Variants in CSE1L observed in about 807,000 individuals in gnomAD.
The protein encoded by CSE1L is exportin-2.
CSE1L carries 24 observed loss-of-function variants against 120.4 expected under a neutral mutation model. The observed-to-expected ratio is 0.20, with a 90% CI of 0.14 to 0.28. CSE1L has a LOEUF of 0.28. Ranked by LOEUF, CSE1L falls within the 10% of genes least tolerant of loss-of-function variation. The pLI is 1.00. For synonymous variants in CSE1L, 402 were observed against 398.3 expected, an observed-to-expected ratio of 1.01 and a Z score of -0.11; for missense variants, 830 against 1,145.2, an observed-to-expected ratio of 0.72 and a Z score of 3.97.
At chr20:49,080,562 C>T (rs751644535) in intron 14 of CSE1L, among the ~76,000 whole-genome samples, 4 of 152,128 alleles carry the variant, frequency 2.6e-5, no homozygotes, top group Non-Finnish European at 5.9e-5. Context: ...CCGCAACATG[C>T]GTCTCCCGAG....
At chr20:49,090,560 GA>G (rs947897855) in intron 19 of CSE1L, among the ~76,000 whole-genome samples, 181 bp from the exon 20 acceptor site, 8 of 148,740 alleles carry the variant, frequency 5.4e-5, no homozygotes, top group Non-Finnish European at 7.5e-5. Context: ...CCGTCTCAAA[GA>G]AAAAAAAAAT....
At chr20:49,050,161 A>G (rs1419711718) in intron 1 of CSE1L, among the ~76,000 whole-genome samples, 2 of 151,676 alleles carry the variant, frequency 1.3e-5, no homozygotes, top group Non-Finnish European at 2.9e-5. Context: ...CAACTTAATC[A>G]TTTTAGGTTT....
chr20:49,077,250 C>T (rs1457633645), intron 13 of CSE1L, among the ~76,000 whole-genome samples, 186 bp downstream of exon 13: 1 of 150,218 alleles, frequency 6.7e-6, no homozygotes, highest in Non-Finnish European at 1.5e-5. Flanking sequence ...ACTCCTGCCT[C>T]CTGGGTTCAA....
chr20:49,075,517 G>A lies in CSE1L; in HGVS notation c.1332G>A (p.Gln444=), dbSNP rs2091962914. Residue 444 remains glutamine, a synonymous_variant, in exon 12 of 25, where the codon CAG becomes CAA. Transcript: ENST00000262982. The part of the protein sequence containing the change: ...VTSLASKAQT[Q]KHGITQANEL... Reference sequence around the variant, plus strand: ...CTTTGGCATCAAAAGCCCAAACACAGAAGGTAAATATTTTTAATGTGGTTT... The same window carrying A: ...CTTTGGCATCAAAAGCCCAAACACAAAAGGTAAATATTTTTAATGTGGTTT... 1 of 1,613,366 alleles carries A rather than the reference G, an allele frequency of 6.2e-7. No homozygotes were observed. The highest frequency in any genetic ancestry group is 8.5e-7 in the Non-Finnish European group (1 of 1,179,448).
Position 49,075,436 on chromosome 20 carries a change from A to C in CSE1L, c.1251A>C (p.Ala417=), listed in dbSNP as rs1282531074. ...GYVNSMLQEY[A]KNPSVNWKHK... ...TTAATTCCATGCTGCAGGAATACGC[A>C]AAAAATCCATCTGTCAACTGGAAAC... Residue 417 remains alanine (A), a synonymous_variant, in exon 12 of 25, where the codon GCA becomes GCC. Coordinates refer to ENST00000262982, the MANE Select transcript of CSE1L (RefSeq NM_001316.4). The C allele has an allele frequency of 5.0e-6, 8 of 1,614,024 alleles. No homozygotes were observed. The highest frequency in any genetic ancestry group is 1.6e-4 in the Middle Eastern group (1 of 6,084).
chr20:49,051,402 G>T (rs978445047), intron 1 of CSE1L, among the ~76,000 whole-genome samples: 2 of 152,222 alleles, frequency 1.3e-5, no homozygotes, highest in Admixed American at 6.5e-5. Flanking sequence ...ACTCAGCCGG[G>T]CGTGGTGGCA....
chr20:49,077,600 A>G (rs2091979369), intron 13 of CSE1L, among the ~76,000 whole-genome samples: 1 of 152,248 alleles, frequency 6.6e-6, no homozygotes. Flanking sequence ...CAGCTTTGCT[A>G]CCTAGTGTAT....
chr20:49,089,754 A>C lies in CSE1L; in HGVS notation c.2181+8A>C, dbSNP rs1263898851. On this transcript the variant is annotated splice_region_variant and intron_variant, in intron 19 of 24. Coordinates refer to ENST00000262982, the MANE Select transcript of CSE1L (RefSeq NM_001316.4). Reference sequence around the variant, plus strand: ...GCTGCAGCTGACAAAATTGTGCGTCAGGTTTTGATATAACTGTAATTTTAT... The same window carrying C: ...GCTGCAGCTGACAAAATTGTGCGTCCGGTTTTGATATAACTGTAATTTTAT... The C allele has an allele frequency of 1.9e-6, 3 of 1,612,818 alleles. No individual in the cohort carries two copies. Among genetic ancestry groups the C allele is most frequent in the Non-Finnish European group, 2.5e-6 (3 of 1,178,822 alleles).
In CSE1L at chr20:49,084,017, G is replaced by GTTT. The variant is rs767074432; in HGVS notation, c.1483-5_1483-3dup. The GTTT allele has an allele frequency of 1.2e-6, 2 of 1,611,598 alleles. No individual in the cohort carries two copies. The highest frequency in any genetic ancestry group is 1.3e-5 in the African/African-American group (1 of 74,822). ...GCATTTAGAGCATGTATATTATTGTGTTTTTTAGGTGCCAAAAGAACATCT... is the reference window on the plus strand; with the variant it reads ...GCATTTAGAGCATGTATATTATTGTGTTTTTTTTTAGGTGCCAAAAGAACATCT... On this transcript the variant is annotated splice_polypyrimidine_tract_variant and intron_variant, in intron 14 of 24. Transcript: ENST00000262982.
At chr20:49,063,658 C>T (rs570231492) in intron 3 of CSE1L, among the ~76,000 whole-genome samples, 24 of 152,326 alleles carry the variant, frequency 1.6e-4, no homozygotes, top group South Asian at 6.2e-4. Context: ...TGTCCAGCTT[C>T]ATACCTCGGG....
chr20:49,078,751 C>T, intron 14 of CSE1L, 129 bp downstream of exon 14: 1 of 590,144 alleles, frequency 1.7e-6, no homozygotes, highest in Non-Finnish European at 2.7e-6. Context: ...TTCTTTATAA[C>T]TTAGAATTTT....
At chr20:49,047,496 T>G (rs1027459345) in intron 1 of CSE1L, among the ~76,000 whole-genome samples, 6 of 151,276 alleles carry the variant, frequency 4.0e-5, no homozygotes, top group Non-Finnish European at 8.9e-5. Flanking sequence ...CTCCCAAGTT[T>G]CCCTCACCTT....
At chr20:49,046,606 C>G (rs1296282455) in intron 1 of CSE1L, among the ~76,000 whole-genome samples, 183 bp downstream of exon 1, 1 of 152,212 alleles carries the variant, frequency 6.6e-6, no homozygotes, top group African/African-American at 2.4e-5. Flanking sequence ...CCCTAGGGAG[C>G]GCTTGCCGCG....
chr20:49,066,656 CT>C, intron 5 of CSE1L, 146 bp downstream of exon 5: 2 of 714,762 alleles, frequency 2.8e-6, no homozygotes, highest in Non-Finnish European at 4.5e-6. Flanking sequence ...GCGTTTGTTT[CT>C]TCTCAACTAG....
At chr20:49,058,413 C>T (rs772419337) in intron 1 of CSE1L, 40 bp from the exon 2 acceptor site, 11 of 1,369,118 alleles carry the variant, frequency 8.0e-6, no homozygotes, top group South Asian at 2.5e-5. Context: ...TCACTTTTTC[C>T]GTAAGTGACC....
intron 14 of CSE1L, 89 bp from the exon 15 acceptor site, chr20:49,083,937 T>C: frequency 7.3e-7 from 1 of 1,365,156 alleles, no homozygotes; most frequent in Admixed American, 2.2e-5. Context: ...AAATTGTTCT[T>C]TAAATCAACA....
At chr20:49,075,277 TG>T (rs1568776337) in intron 11 of CSE1L, 40 bp from the exon 12 acceptor site, 5 of 1,472,712 alleles carry the variant, frequency 3.4e-6, no homozygotes, top group Middle Eastern at 1.7e-4. Context: ...TGTTGGTGGT[TG>T]TTTTTTTTCC....
intron 1 of CSE1L, among the ~76,000 whole-genome samples, chr20:49,050,758 A>G (rs1177763815): frequency 2.0e-5 from 3 of 151,584 alleles, no homozygotes; most frequent in East Asian, 3.9e-4. Context: ...GGATCTCACT[A>G]TTGTTGCCAA....
intron 17 of CSE1L, 151 bp downstream of exon 17, chr20:49,088,257 A>G (rs961753472): frequency 2.5e-5 from 16 of 639,314 alleles, no homozygotes; most frequent in East Asian, 8.6e-5. Context: ...AAGTGTGGGC[A>G]TGCTGTTAGA....
Sources: gnomAD v4.1 joint callset for allele counts (sites outside exome capture counted in the v4.1 genomes callset) on GRCh38, gnomAD v4.1.1 for gene constraint, MANE v1.5 for transcripts, NCBI Gene and HGNC (gene_info 2026-07-23, HGNC 2026-07-21) for gene names.